Variants in FAM13C observed in about 807,000 individuals in gnomAD.
FAM13C encodes family with sequence similarity 13 member C.
A neutral mutation model predicts 73.2 loss-of-function variants in FAM13C; 37 were observed. That is an observed-to-expected ratio of 0.51 (90% CI 0.39 to 0.67). The LOEUF (loss-of-function observed/expected upper bound fraction) is 0.67, where lower values mean the gene tolerates loss of function less well. FAM13C is among the 30% of genes least tolerant of loss of function. FAM13C has a pLI of 0.00. For synonymous variants in FAM13C, 246 were observed against 260.9 expected (o/e 0.94, Z 0.55); for missense variants, 589 against 715.6 (o/e 0.82, Z 2.02).
chr10:59,311,970 G>A (rs779688826), intron 4 of FAM13C, among the ~76,000 whole-genome samples: 2 of 152,080 alleles, frequency 1.3e-5, no homozygotes, highest in Non-Finnish European at 2.9e-5. Context: ...GGAACCTCAA[G>A]TAAGAAAGCG....
intron 10 of FAM13C, among the ~76,000 whole-genome samples, chr10:59,258,728 A>T (rs570191081): frequency 6.6e-6 from 1 of 152,304 alleles, no homozygotes; most frequent in East Asian, 1.9e-4. Flanking sequence ...AAAAAGAAGG[A>T]TAAATAGGAA....
At chr10:59,319,670 T>C (rs757506897) in intron 4 of FAM13C, among the ~76,000 whole-genome samples, 7 of 152,212 alleles carry the variant, frequency 4.6e-5, no homozygotes, top group Non-Finnish European at 1.0e-4. Flanking sequence ...ATGGTACTAA[T>C]CTTGGTTCTA....
rs1200548230 is a variant in FAM13C, at chr10:59,268,668, C to A, written c.827G>T (p.Ser276Ile). 1.9e-6 allele frequency: 3 copies of A among 1,612,778 alleles called. No individual in the cohort carries two copies. Among genetic ancestry groups the A allele is most frequent in the Non-Finnish European group, 2.5e-6 (3 of 1,179,724 alleles). The change falls in exon 8 of 14, where the codon AGC becomes ATC. Residue 276 changes from serine (S) to isoleucine (I), a missense_variant. Coordinates refer to ENST00000618804, the MANE Select transcript of FAM13C (RefSeq NM_198215.4). ...CTGTGGCTCCTTGCCATCTCCACAG[C>A]TGCAGCGTGAAGAACTCCGCGGCCT... ...FMMPRSSSRC[S>I]CGDGKEPQTI... is the part of the protein sequence containing the mutation.
chr10:59,348,642 CT>C (rs1454068393), intron 3 of FAM13C, among the ~76,000 whole-genome samples: 1 of 151,622 alleles, frequency 6.6e-6, no homozygotes, highest in South Asian at 2.1e-4. Context: ...CTTCATGAAT[CT>C]TTTTTTTTCC....
intron 2 of FAM13C, among the ~76,000 whole-genome samples, chr10:59,353,017 A>G (rs1299864607): frequency 6.6e-6 from 1 of 152,222 alleles, no homozygotes; most frequent in Non-Finnish European, 1.5e-5. Flanking sequence ...AGAGGTACTT[A>G]GAAATTTAAC....
At chr10:59,320,068 T>C (rs966053164) in intron 4 of FAM13C, among the ~76,000 whole-genome samples, 7 of 152,162 alleles carry the variant, frequency 4.6e-5, no homozygotes, top group Admixed American at 6.5e-5. Context: ...CAAATGCCTA[T>C]AGAAGCTTGG....
At chr10:59,253,024 G>A (rs776676051) in intron 11 of FAM13C, 26 bp from the exon 12 acceptor site, 1 of 1,610,904 alleles carries the variant, frequency 6.2e-7, no homozygotes, top group Non-Finnish European at 8.5e-7. Context: ...GTTAAAGAAA[G>A]AAAGTCATGT....
At chr10:59,344,295 T>C (rs1194966560) in intron 3 of FAM13C, among the ~76,000 whole-genome samples, 1 of 147,234 alleles carries the variant, frequency 6.8e-6, no homozygotes, top group Non-Finnish European at 1.5e-5. Context: ...TTTTTTTTTT[T>C]TGAGACAGAG....
At chr10:59,316,880 A>G (rs1295563364) in intron 4 of FAM13C, among the ~76,000 whole-genome samples, 1 of 152,206 alleles carries the variant, frequency 6.6e-6, no homozygotes, top group East Asian at 1.9e-4. Flanking sequence ...AACAAGTTAC[A>G]TAGCAATGTA....
chr10:59,323,983 C>T lies in FAM13C; in HGVS notation c.443+5G>A, dbSNP rs1452502480. The T allele has an allele frequency of 6.2e-7, 1 of 1,609,516 alleles. No homozygotes were observed. The highest frequency in any genetic ancestry group is 2.2e-5 in the East Asian group (1 of 44,846). On this transcript the variant is annotated splice_donor_5th_base_variant and intron_variant, in intron 4 of 13. Coordinates refer to ENST00000618804, the MANE Select transcript of FAM13C (RefSeq NM_198215.4). ...CAGAATAGCTTCTGATAACAAAGGG[C>T]CCACCTTGGTTGAAGTCGCACTGTT... is the stretch of plus-strand genomic sequence containing the variant.
chr10:59,268,859 T>A (rs920360354), intron 7 of FAM13C, among the ~76,000 whole-genome samples, 168 bp from the exon 8 acceptor site: 3 of 152,196 alleles, frequency 2.0e-5, no homozygotes, highest in Non-Finnish European at 4.4e-5. Flanking sequence ...AGACTCCCTA[T>A]CACAAAACTC....
chr10:59,276,756 A>G (rs1015112861), intron 6 of FAM13C, among the ~76,000 whole-genome samples: 1 of 152,226 alleles, frequency 6.6e-6, no homozygotes, highest in African/African-American at 2.4e-5. Flanking sequence ...AACCATTGAT[A>G]TGAAAATATA....
chr10:59,259,991 G>A (rs774826065), intron 10 of FAM13C, among the ~76,000 whole-genome samples: 30 of 151,832 alleles, frequency 2.0e-4, no homozygotes, highest in Admixed American at 6.6e-4. Flanking sequence ...CAAACTGACC[G>A]TTTATGTTTT....
chr10:59,285,403 A>T (rs1322012282), intron 5 of FAM13C, among the ~76,000 whole-genome samples: 2 of 152,276 alleles, frequency 1.3e-5, no homozygotes, highest in Middle Eastern at 3.4e-3. Flanking sequence ...GCAAACAAAG[A>T]TTCTAGGCAA....
chr10:59,347,798 T>C (rs1340664428), intron 3 of FAM13C, among the ~76,000 whole-genome samples: 3 of 152,114 alleles, frequency 2.0e-5, no homozygotes, highest in African/African-American at 4.8e-5. Context: ...TGTTGTGTGA[T>C]AGTTTGCTGA....
Position 59,270,607 on chromosome 10 carries a change from AG to A in FAM13C, c.593-499del, listed in dbSNP as rs1843621607. On this transcript the variant is annotated intron_variant, in intron 6 of 13. Coordinates refer to ENST00000618804, the MANE Select transcript of FAM13C (RefSeq NM_198215.4). ...GGAGTCCCCAGAAAGAAAATTATTC[AG>A]CAATCATCAAAAATGATGGAGAACT... 2.0e-5 allele frequency among the ~76,000 whole-genome samples: 3 copies of A among 152,308 alleles called. No homozygotes were observed. In the South Asian group the frequency reaches 6.2e-4, roughly 32 times the overall value.
At chr10:59,264,326 C>A (rs1328189894) in intron 8 of FAM13C, among the ~76,000 whole-genome samples, 160 bp from the exon 9 acceptor site, 1 of 152,168 alleles carries the variant, frequency 6.6e-6, no homozygotes, top group Non-Finnish European at 1.5e-5. Flanking sequence ...TGTGAAATTT[C>A]TGATGGAGTT....
intron 4 of FAM13C, among the ~76,000 whole-genome samples, chr10:59,316,106 T>G (rs1001848984): frequency 1.3e-5 from 2 of 152,062 alleles, no homozygotes; most frequent in African/African-American, 4.8e-5. Context: ...ATTTTTGTAT[T>G]TTATTTTTAG....
intron 1 of FAM13C, among the ~76,000 whole-genome samples, chr10:59,360,101 T>C (rs1365944855): frequency 6.6e-6 from 1 of 152,202 alleles, no homozygotes; most frequent in African/African-American, 2.4e-5. Flanking sequence ...AATCTGTCCT[T>C]GAGTCCCTCC....
Sources: allele counts gnomAD v4.1 joint callset (sites outside exome capture counted in the v4.1 genomes callset), GRCh38; gene constraint gnomAD v4.1.1; transcripts MANE v1.5; gene names NCBI Gene and HGNC (gene_info 2026-07-23, HGNC 2026-07-21).